OR8B2: variants seen among roughly 807,000 people sequenced by gnomAD.
The protein encoded by OR8B2 is olfactory receptor family 8 subfamily B member 2, also known as olfactory receptor 8B2.
For missense variants in OR8B2, 304 were observed against 379.6 expected (o/e 0.80, Z 1.65); for synonymous variants, 98 against 138.2 (o/e 0.71, Z 2.04).
At chr11:124,394,071 CAAG>C in the OR8B2 span, among the ~76,000 whole-genome samples, 1,363 of 126,856 alleles carry the variant, frequency 0.011, 28 homozygotes, top group African/African-American at 0.04. Context: ...CACATGGACA[CAAG>C]AAGGAGAACA....
the OR8B2 span, chr11:124,395,598 A>C: frequency 6.6e-6 from 1 of 152,232 alleles, no homozygotes; most frequent in East Asian, 1.9e-4. Flanking sequence ...CGAGTAAAAA[A>C]ATAACATTTA....
chr11:124,396,254 C>CA, the OR8B2 span: 2 of 778,974 alleles, frequency 2.6e-6, no homozygotes, highest in Non-Finnish European at 3.9e-6. Context: ...GATGCAAAAC[C>CA]AAAAAAAGAG....
the OR8B2 span, among the ~76,000 whole-genome samples, chr11:124,389,999 G>T: frequency 1.3e-5 from 2 of 152,158 alleles, no homozygotes; most frequent in Admixed American, 1.3e-4. Context: ...AAAATAGAAA[G>T]GGGATGCATA....
chr11:124,394,393 A>C, the OR8B2 span, among the ~76,000 whole-genome samples: 1 of 152,170 alleles, frequency 6.6e-6, no homozygotes, highest in South Asian at 2.1e-4. Context: ...AATGCCTATT[A>C]AGGATAAAAC....
At chr11:124,396,618 A>G in the OR8B2 span, 7 of 1,612,322 alleles carry the variant, frequency 4.3e-6, no homozygotes, top group Non-Finnish European at 5.9e-6. Context: ...CAGAGCAATG[A>G]CATGAGAGCT....
the OR8B2 span, among the ~76,000 whole-genome samples, chr11:124,392,106 C>T: frequency 6.6e-5 from 8 of 120,636 alleles, no homozygotes; most frequent in Admixed American, 8.3e-5. Flanking sequence ...ATTGATGGGA[C>T]GTATCTCAAA....
the OR8B2 span, among the ~76,000 whole-genome samples, chr11:124,389,812 T>A: frequency 2.0e-5 from 3 of 151,992 alleles, no homozygotes; most frequent in Non-Finnish European, 4.4e-5. Flanking sequence ...GTTCCATGTA[T>A]CAGAAAAGAT....
At chr11:124,388,191 C>T (rs561515435), upstream of OR8B2, among the ~76,000 whole-genome samples, 19 of 151,494 alleles carry the variant, frequency 1.3e-4, no homozygotes, top group East Asian at 3.3e-3. Flanking sequence ...GATATACAAT[C>T]ATGTCATCTG....
chr11:124,394,474 A>G, the OR8B2 span, among the ~76,000 whole-genome samples: 1 of 152,286 alleles, frequency 6.6e-6, no homozygotes, highest in East Asian at 1.9e-4. Context: ...GAAAAGAGAA[A>G]GAAATGGAAA....
chr11:124,391,327 C>G, the OR8B2 span, among the ~76,000 whole-genome samples: 1 of 151,022 alleles, frequency 6.6e-6, no homozygotes, highest in East Asian at 1.9e-4. Context: ...AATCCAGGAG[C>G]TGGTTTTTTG....
the OR8B2 span, among the ~76,000 whole-genome samples, chr11:124,394,139 T>C: frequency 6.7e-6 from 1 of 148,444 alleles, no homozygotes; most frequent in Non-Finnish European, 1.5e-5. Flanking sequence ...TAGCACGAGA[T>C]ATACTTAATG....
upstream of OR8B2, among the ~76,000 whole-genome samples, chr11:124,388,986 T>C (rs1313998008): frequency 6.6e-6 from 1 of 151,952 alleles, no homozygotes; most frequent in Non-Finnish European, 1.5e-5. Flanking sequence ...CCGCCACGCC[T>C]GGCTAATTTT....
upstream of OR8B2, among the ~76,000 whole-genome samples, chr11:124,385,833 A>G (rs1215958837): frequency 1.3e-5 from 2 of 151,586 alleles, no homozygotes; most frequent in African/African-American, 4.9e-5. Context: ...GGGTCTCACT[A>G]TGTTACCCAG....
At chr11:124,388,350 G>A (rs1366342672), upstream of OR8B2, among the ~76,000 whole-genome samples, 2 of 151,830 alleles carry the variant, frequency 1.3e-5, no homozygotes, top group African/African-American at 4.8e-5. Flanking sequence ...TTTTCAAAGG[G>A]AATGCTTCCA....
the OR8B2 span, among the ~76,000 whole-genome samples, chr11:124,390,931 G>A: frequency 1.3e-5 from 2 of 152,070 alleles, no homozygotes; most frequent in African/African-American, 4.8e-5. Flanking sequence ...TGAGGTAGAG[G>A]TCAAGGTTTG....
At chr11:124,393,423 AC>A in the OR8B2 span, among the ~76,000 whole-genome samples, 1 of 147,520 alleles carries the variant, frequency 6.8e-6, no homozygotes, top group African/African-American at 2.7e-5. Flanking sequence ...CAAGAAAAAA[AC>A]AAACAACCCC....
At chr11:124,386,425 A>C, upstream of OR8B2, among the ~76,000 whole-genome samples, 1 of 107,868 alleles carries the variant, frequency 9.3e-6, no homozygotes, top group African/African-American at 3.7e-5. Context: ...ACCCCACAAC[A>C]GTCCCCAGAG....
At chr11:124,392,875 TAC>T in the OR8B2 span, among the ~76,000 whole-genome samples, 9 of 150,312 alleles carry the variant, frequency 6.0e-5, no homozygotes, top group South Asian at 1.7e-3. Flanking sequence ...ACTACAAGGC[TAC>T]AGTCACCAAA....
the OR8B2 span, chr11:124,397,083 T>C: frequency 6.2e-7 from 1 of 1,613,872 alleles, no homozygotes; most frequent in Non-Finnish European, 8.5e-7. Flanking sequence ...GGAGATAATA[T>C]TCTTTTTTGA....
Sources: gnomAD v4.1 joint callset for allele counts (sites outside exome capture counted in the v4.1 genomes callset) on GRCh38, gnomAD v4.1.1 for gene constraint, MANE v1.5 for transcripts, NCBI Gene and HGNC (gene_info 2026-07-23, HGNC 2026-07-21) for gene names.